ABL1: variants seen among roughly 807,000 people sequenced by gnomAD.
ABL1 encodes the protein ABL proto-oncogene 1, non-receptor tyrosine kinase.
ABL1 carries 11 observed loss-of-function variants against 94.7 expected under a neutral mutation model. That is an observed-to-expected ratio of 0.12 (90% confidence interval 0.07 to 0.19). The LOEUF (loss-of-function observed/expected upper bound fraction) is 0.19, where lower values mean the gene tolerates loss of function less well. Ranked by LOEUF, ABL1 falls within the 10% of genes least tolerant of loss-of-function variation. ABL1 has a pLI of 1.00. For synonymous variants in ABL1, 656 were observed against 622.4 expected (o/e 1.05, Z -0.80); for missense variants, 1,082 against 1,489.4 (o/e 0.73, Z 4.50).
intron 4 of ABL1, among the ~76,000 whole-genome samples, chr9:130,871,603 C>T (rs771503515): frequency 6.6e-6 from 1 of 152,258 alleles, no homozygotes; most frequent in Non-Finnish European, 1.5e-5. Flanking sequence ...TCAGCATCCT[C>T]TGTTGCTACT....
At chr9:130,756,688 A>G (rs1832045088) in intron 1 of ABL1, among the ~76,000 whole-genome samples, 1 of 152,188 alleles carries the variant, frequency 6.6e-6, no homozygotes, top group African/African-American at 2.4e-5. Flanking sequence ...GAGTATCTTC[A>G]GATATCTAAA....
Position 130,884,606 on chromosome 9 carries a change from T to A in ABL1, c.2316T>A (p.Ser772=). Residue 772 remains serine, a synonymous_variant, in exon 11 of 11, where the codon TCT becomes TCA. Coordinates refer to ENST00000318560, the MANE Select transcript of ABL1 (RefSeq NM_005157.6). This position sits in a 1 kb window ranked among gnomAD's most constrained non-coding sequence, Gnocchi z 5.6. Reference sequence around the variant, plus strand: ...GGAAGAGGGCAGGGGAGAACAGGTCTGACCAGGTGACCCGAGGCACAGTAA... The same window carrying A: ...GGAAGAGGGCAGGGGAGAACAGGTCAGACCAGGTGACCCGAGGCACAGTAA... ...LPRKRAGENR[S]DQVTRGTVTP... The A allele has an allele frequency of 6.2e-7, 1 of 1,613,374 alleles. No homozygotes were observed. The highest frequency in any genetic ancestry group is 2.2e-5 in the East Asian group (1 of 44,866).
Position 130,835,416 on chromosome 9 carries a change from G to T in ABL1, c.-31G>T, listed in dbSNP as rs1465920596. 5.8e-6 allele frequency: 8 copies of T among 1,389,374 alleles called. No individual in the cohort carries two copies. The African/African-American group carries it at 1.3e-4, about 22-fold the overall frequency. 86.1% of individuals were successfully genotyped at this position (1,389,374 alleles called of 1,614,324 possible). A position where few individuals can be genotyped will look rare whatever the true frequency, so the allele number is the denominator to read the frequency against. On this transcript the variant is annotated 5_prime_UTR_variant, in exon 1 of 11. Coordinates refer to ENST00000318560, the MANE Select transcript of ABL1 (RefSeq NM_005157.6). The surrounding 1 kb of genome is among the most constrained non-coding windows in gnomAD (Gnocchi z 4.6). The stretch of plus-strand genomic sequence containing the variant: ...GCCCGCGGACCGAGCTGGGAGAGGG[G>T]TTCCGGCCCCCGACGTGCTGGCGCG...
intron 1 of ABL1, among the ~76,000 whole-genome samples, chr9:130,759,073 A>G (rs1006089436): frequency 2.0e-5 from 3 of 152,148 alleles, no homozygotes; most frequent in Non-Finnish European, 4.4e-5. Context: ...GCACATCACA[A>G]TCTGATCAAG....
intron 1 of ABL1, among the ~76,000 whole-genome samples, chr9:130,804,748 A>T (rs570590398): frequency 1.3e-5 from 2 of 152,352 alleles, no homozygotes; most frequent in East Asian, 3.9e-4. Flanking sequence ...GGTTTAAATC[A>T]CGAGAAGTTA....
intron 1 of ABL1, among the ~76,000 whole-genome samples, chr9:130,722,887 A>G (rs1831533941): frequency 1.3e-5 from 2 of 152,232 alleles, no homozygotes; most frequent in African/African-American, 4.8e-5. Context: ...GAAAGTGGGA[A>G]AAAATGTGAA....
intron 1 of ABL1, among the ~76,000 whole-genome samples, chr9:130,838,600 T>C (rs1242997729): frequency 6.6e-6 from 1 of 152,170 alleles, no homozygotes; most frequent in Non-Finnish European, 1.5e-5. Context: ...TGAATTTTGC[T>C]CTCCAGCTTT....
At chr9:130,808,253 T>C (rs867299988) in intron 1 of ABL1, among the ~76,000 whole-genome samples, 1 of 148,690 alleles carries the variant, frequency 6.7e-6, no homozygotes. Flanking sequence ...TCTTCTTTTT[T>C]TTTTTTTTGA....
intron 1 of ABL1, among the ~76,000 whole-genome samples, chr9:130,829,868 T>G (rs1830473640): frequency 1.3e-5 from 2 of 152,178 alleles, no homozygotes; most frequent in Non-Finnish European, 2.9e-5. Context: ...GGGTTATGGA[T>G]GGTGATAGTA....
At chr9:130,725,119 G>T (rs1397098793) in intron 1 of ABL1, 2 of 188,282 alleles carry the variant, frequency 1.1e-5, no homozygotes, top group Non-Finnish European at 2.2e-5. Flanking sequence ...ACCTGTTTAG[G>T]TGTATAACTC....
intron 1 of ABL1, among the ~76,000 whole-genome samples, chr9:130,758,578 G>A (rs867811613): frequency 2.1e-4 from 32 of 152,150 alleles, no homozygotes; most frequent in Middle Eastern, 3.4e-3. Context: ...GATTACAGGC[G>A]TGCGCCACCA....
intron 1 of ABL1, among the ~76,000 whole-genome samples, chr9:130,791,184 A>G (rs1371782640): frequency 1.3e-5 from 2 of 152,254 alleles, no homozygotes; most frequent in Non-Finnish European, 1.5e-5. Flanking sequence ...TTACCTACAA[A>G]GGAACAACAA....
At chr9:130,748,818 C>T (rs1174286048) in intron 1 of ABL1, among the ~76,000 whole-genome samples, 5 of 152,182 alleles carry the variant, frequency 3.3e-5, no homozygotes, top group African/African-American at 1.2e-4. Flanking sequence ...CTCATGTGAT[C>T]CACCTGCCTT....
At chr9:130,793,592 A>G (rs957190089) in intron 1 of ABL1, among the ~76,000 whole-genome samples, 4 of 152,138 alleles carry the variant, frequency 2.6e-5, no homozygotes, top group African/African-American at 4.8e-5. Flanking sequence ...TTTGACTGCA[A>G]TTTTAGTACT....
chr9:130,809,773 G>A (rs1047991832), intron 1 of ABL1, among the ~76,000 whole-genome samples: 1 of 152,124 alleles, frequency 6.6e-6, no homozygotes, highest in African/African-American at 2.4e-5. Flanking sequence ...GCTGCTTTAC[G>A]CATTTTGCCA....
intron 1 of ABL1, among the ~76,000 whole-genome samples, chr9:130,717,152 C>T (rs1443514834): frequency 2.0e-5 from 3 of 152,056 alleles, no homozygotes; most frequent in Non-Finnish European, 4.4e-5. Context: ...AAGCAATTCT[C>T]GTGCCTCAGC....
intron 1 of ABL1, among the ~76,000 whole-genome samples, chr9:130,852,485 A>G (rs1305773485): frequency 6.6e-6 from 1 of 152,218 alleles, no homozygotes. Context: ...CTAGGGTTAC[A>G]GGCATGAGCT....
rs568769985 is a variant in ABL1, at chr9:130,872,496, T to G, written c.907+283T>G. Among the ~76,000 whole-genome samples, 2 of 152,362 alleles carry G rather than the reference T, an allele frequency of 1.3e-5. No homozygotes were observed. Among genetic ancestry groups the G allele is most frequent in the African/African-American group, 4.8e-5 (2 of 41,582 alleles). On this transcript the variant is annotated intron_variant, in intron 5 of 10. Coordinates refer to ENST00000318560, the MANE Select transcript of ABL1 (RefSeq NM_005157.6). This position sits in a 1 kb window ranked among gnomAD's most constrained non-coding sequence, Gnocchi z 5.0. ...AAATTAGTTTCTGAAACTTGGGCAT[T>G]TTCCAGAGTTTTCTCACTGAAGTGA...
At chr9:130,867,229 C>T (rs558498505) in intron 4 of ABL1, among the ~76,000 whole-genome samples, 1 of 152,316 alleles carries the variant, frequency 6.6e-6, no homozygotes, top group East Asian at 1.9e-4. Context: ...CATATGTGAA[C>T]CTTGTTTTAA....
Sources: gnomAD v4.1 joint callset for allele counts (sites outside exome capture counted in the v4.1 genomes callset) on GRCh38, gnomAD v4.1.1 for gene constraint, Gnocchi (gnomAD v3.1) non-coding constraint, MANE v1.5 for transcripts, NCBI Gene and HGNC (gene_info 2026-07-23, HGNC 2026-07-21) for gene names.